The following GPC6 variants were observed in gnomAD, a reference collection of about 807,000 sequenced individuals.
GPC6 encodes the protein glypican-6.
In GPC6, 14 loss-of-function variants were observed where a neutral mutation model predicts 55.2. That is an observed-to-expected ratio of 0.25 (90% confidence interval 0.17 to 0.40). GPC6 has a LOEUF of 0.40. GPC6 is among the 10% of genes least tolerant of loss of function. The pLI is 1.00. For missense variants in GPC6, 641 were observed against 708.5 expected (o/e 0.90, Z 1.08); for synonymous variants, 278 against 259.6 (o/e 1.07, Z -0.68).
At position 94,222,356 on chromosome 13, in the gene GPC6, T is replaced by C. The variant is rs1245144491; in HGVS notation, c.878-63993T>C. ...GAGAGAAGTCCCAGATTATATCTTG[T>C]AGGAAGCAAAGATCCAAGGATTTGA... On this transcript the variant is annotated intron_variant, in intron 4 of 8. Coordinates refer to ENST00000377047, the MANE Select transcript of GPC6 (RefSeq NM_005708.5). 2.0e-5 allele frequency among the ~76,000 whole-genome samples: 3 copies of C among 152,140 alleles called. No homozygotes were observed. In the East Asian group the frequency reaches 5.8e-4, roughly 29 times the overall value.
At chr13:94,380,497 A>G (rs1208060915) in intron 6 of GPC6, among the ~76,000 whole-genome samples, 1 of 152,174 alleles carries the variant, frequency 6.6e-6, no homozygotes, top group African/African-American at 2.4e-5. Context: ...TATACTCTTC[A>G]TCTAGCTTTG....
rs529462895 is a variant in GPC6, at chr13:94,066,676, G to A, written c.877+38782G>A. 3.3e-5 allele frequency among the ~76,000 whole-genome samples: 5 copies of A among 152,320 alleles called. No homozygotes were observed. The East Asian group carries it at 9.6e-4, about 29-fold the overall frequency. ...GCCTAAGGTGCATATGACCAAGTCA[G>A]TATTTTCTCATAAAAAGTTTTGAGT... On this transcript the variant is annotated intron_variant, in intron 4 of 8. Transcript: ENST00000377047.
intron 4 of GPC6, among the ~76,000 whole-genome samples, chr13:94,229,115 T>G (rs761896821): frequency 2.7e-4 from 41 of 152,344 alleles, no homozygotes; most frequent in South Asian, 1.2e-3. Context: ...CATGCTGACA[T>G]CAGTCCGAAT....
In GPC6 at chr13:93,416,468, G is replaced by A. The variant is rs150326744; in HGVS notation, c.161-128795G>A. 4.9e-4 allele frequency among the ~76,000 whole-genome samples: 74 copies of A among 152,050 alleles called. No individual in the cohort carries two copies. In the East Asian group the frequency reaches 0.013, roughly 26 times the overall value. ...GGGTATATGAGATGTTTTGATACAGGCATGCAATGTGAAATAGTCACATCA... is the reference window on the plus strand; with the variant it reads ...GGGTATATGAGATGTTTTGATACAGACATGCAATGTGAAATAGTCACATCA... On this transcript the variant is annotated intron_variant, in intron 1 of 8. Coordinates refer to ENST00000377047, the MANE Select transcript of GPC6 (RefSeq NM_005708.5).
chr13:93,375,009 T>C (rs1304791693), intron 1 of GPC6, among the ~76,000 whole-genome samples: 1 of 152,196 alleles, frequency 6.6e-6, no homozygotes, highest in Non-Finnish European at 1.5e-5. Flanking sequence ...ACTATAGTCA[T>C]TGATAAGCAG....
At chr13:93,832,742 C>A (rs764625540) in intron 3 of GPC6, among the ~76,000 whole-genome samples, 1 of 152,126 alleles carries the variant, frequency 6.6e-6, no homozygotes, top group African/African-American at 2.4e-5. Flanking sequence ...AAGTCTAACA[C>A]GCTATTCCTT....
At chr13:93,746,830 G>A (rs544370990) in intron 2 of GPC6, among the ~76,000 whole-genome samples, 13 of 152,108 alleles carry the variant, frequency 8.5e-5, no homozygotes, top group Non-Finnish European at 1.8e-4. Flanking sequence ...TTAAAGTGAT[G>A]GAATCTGGAC....
intron 4 of GPC6, among the ~76,000 whole-genome samples, chr13:94,267,680 A>T (rs1007327201): frequency 2.0e-5 from 3 of 152,160 alleles, no homozygotes; most frequent in Non-Finnish European, 2.9e-5. Context: ...GTGTGATTCC[A>T]TCCTGAAAAA....
intron 1 of GPC6, among the ~76,000 whole-genome samples, chr13:93,474,738 C>T (rs1347019762): frequency 6.6e-6 from 1 of 152,168 alleles, no homozygotes; most frequent in Non-Finnish European, 1.5e-5. Context: ...TGCAGTCTGT[C>T]CGGGTTTTGT....
chr13:93,545,029 C>A (rs958808812), intron 1 of GPC6, among the ~76,000 whole-genome samples: 4 of 152,074 alleles, frequency 2.6e-5, no homozygotes, highest in Non-Finnish European at 5.9e-5. Context: ...TTTTAATGCA[C>A]CTTCACTTAT....
chr13:93,925,173 T>C (rs1877788258), intron 3 of GPC6, among the ~76,000 whole-genome samples: 1 of 152,172 alleles, frequency 6.6e-6, no homozygotes, highest in South Asian at 2.1e-4. Flanking sequence ...GGGCAGGCGC[T>C]GAAGATCATT....
intron 3 of GPC6, among the ~76,000 whole-genome samples, chr13:94,004,815 G>A (rs1477104690): frequency 6.6e-6 from 1 of 152,120 alleles, no homozygotes; most frequent in Non-Finnish European, 1.5e-5. Flanking sequence ...CCAGCACTTT[G>A]GGAGGCTGAG....
chr13:94,282,785 A>G (rs1892422495), intron 4 of GPC6, among the ~76,000 whole-genome samples: 2 of 152,316 alleles, frequency 1.3e-5, no homozygotes, highest in South Asian at 4.1e-4. Context: ...AGATTCTTGT[A>G]AGAGACAGAA....
At chr13:94,262,406 C>G (rs1381429339) in intron 4 of GPC6, among the ~76,000 whole-genome samples, 1 of 152,054 alleles carries the variant, frequency 6.6e-6, no homozygotes, top group Non-Finnish European at 1.5e-5. Flanking sequence ...GGTGCAGTGA[C>G]TCACACCTGT....
At chr13:94,220,917 G>A (rs1208245657) in intron 4 of GPC6, among the ~76,000 whole-genome samples, 3 of 152,032 alleles carry the variant, frequency 2.0e-5, no homozygotes, top group African/African-American at 7.2e-5. Flanking sequence ...CTAGGAGTTA[G>A]GATTTCAGCA....
At chr13:93,593,211 TA>T (rs1877568729) in intron 2 of GPC6, among the ~76,000 whole-genome samples, 1 of 152,174 alleles carries the variant, frequency 6.6e-6, no homozygotes, top group Non-Finnish European at 1.5e-5. Context: ...CAAATTTGAT[TA>T]TTTTTAATTG....
intron 3 of GPC6, among the ~76,000 whole-genome samples, chr13:93,851,519 C>A (rs1273812942): frequency 6.6e-6 from 1 of 151,834 alleles, no homozygotes; most frequent in Non-Finnish European, 1.5e-5. Flanking sequence ...GTTCAGGAAT[C>A]AAGATTTGGC....
chr13:93,443,865 G>T (rs1877896076), intron 1 of GPC6, among the ~76,000 whole-genome samples: 3 of 136,456 alleles, frequency 2.2e-5, no homozygotes, highest in Non-Finnish European at 5.0e-5. Flanking sequence ...GTTTGATCAA[G>T]GAAGATACTT....
chr13:94,340,565 A>G (rs1348436921), intron 6 of GPC6, among the ~76,000 whole-genome samples: 1 of 152,192 alleles, frequency 6.6e-6, no homozygotes, highest in Non-Finnish European at 1.5e-5. Flanking sequence ...AGGCATGTAT[A>G]TATTGTGATA....
Sources: allele counts gnomAD v4.1 joint callset (sites outside exome capture counted in the v4.1 genomes callset), GRCh38; gene constraint gnomAD v4.1.1; transcripts MANE v1.5; gene names NCBI Gene and HGNC (gene_info 2026-07-23, HGNC 2026-07-21).